The following EFHC1 variants were observed in gnomAD, a reference collection of about 807,000 sequenced individuals.
The protein encoded by EFHC1 is EF-hand domain containing 1, also known as EF-hand domain-containing protein 1.
A neutral mutation model predicts 69.9 loss-of-function variants in EFHC1; 53 were observed. The observed-to-expected ratio is 0.76, with a 90% CI of 0.61 to 0.95. The LOEUF is 0.95. EFHC1 is among the 40% of genes least tolerant of loss of function. EFHC1 has a pLI of 0.00. For synonymous variants in EFHC1, 256 were observed against 278.4 expected (o/e 0.92, Z 0.80); for missense variants, 739 against 798.7 (o/e 0.93, Z 0.90).
intron 9 of EFHC1, chr6:52,488,868 G>A (rs1258115882): frequency 6.6e-6 from 1 of 152,104 alleles, no homozygotes; most frequent in East Asian, 1.9e-4. Context: ...GTCAATGGCT[G>A]CAGTATTATT....
At chr6:52,465,825 A>G (rs958672991) in intron 6 of EFHC1, among the ~76,000 whole-genome samples, 4 of 148,264 alleles carry the variant, frequency 2.7e-5, no homozygotes, top group Non-Finnish European at 4.5e-5. Flanking sequence ...AAATATGTAT[A>G]TATTATATAT....
intron 8 of EFHC1, 114 bp downstream of exon 8, chr6:52,479,364 A>T (rs1164467213): frequency 1.8e-5 from 21 of 1,186,434 alleles, no homozygotes; most frequent in Non-Finnish European, 2.1e-5. Flanking sequence ...AACTGAGATA[A>T]AGCTACTATC....
intron 10 of EFHC1, among the ~76,000 whole-genome samples, chr6:52,491,989 C>T (rs918918675): frequency 6.6e-6 from 1 of 152,202 alleles, no homozygotes; most frequent in African/African-American, 2.4e-5. Flanking sequence ...ACTCATAGAG[C>T]CTCCAGTGGT....
At chr6:52,457,048 G>A (rs1037668647) in intron 5 of EFHC1, among the ~76,000 whole-genome samples, 30 of 152,108 alleles carry the variant, frequency 2.0e-4, no homozygotes, top group Admixed American at 9.8e-4. Flanking sequence ...TTATCCAATG[G>A]GTGATTTTTA....
chr6:52,433,921 C>T (rs1162096177), intron 2 of EFHC1, among the ~76,000 whole-genome samples: 2 of 152,070 alleles, frequency 1.3e-5, no homozygotes, highest in African/African-American at 4.8e-5. Context: ...ATTATGGCTG[C>T]CTCTACTGTA....
chr6:52,441,825 T>C (rs1290178834), intron 3 of EFHC1, among the ~76,000 whole-genome samples: 1 of 152,164 alleles, frequency 6.6e-6, no homozygotes, highest in East Asian at 1.9e-4. Context: ...TCTCCCTGGT[T>C]AGCTGTATTC....
rs764160781 is a variant in EFHC1, at chr6:52,493,383, T to TATATATATATATA, written c.*1044_*1045insATATATATATAAT. On this transcript the variant is annotated 3_prime_UTR_variant, in exon 11 of 11. Coordinates refer to ENST00000371068, the MANE Select transcript of EFHC1 (RefSeq NM_018100.4). ...CTCTCTACATATATATATATATATA[T>TATATATATATATA]ATTTTATATGTACACATTCATACAC... The TATATATATATATA allele has an allele frequency of 4.5e-6, 1 of 223,954 alleles. No individual in the cohort carries two copies. Among genetic ancestry groups the TATATATATATATA allele is most frequent in the African/African-American group, 2.5e-5 (1 of 39,744 alleles). The allele number at this position is 223,954 out of a possible 1,614,324, so 13.9% of individuals were successfully genotyped here. A position where few individuals can be genotyped will look rare whatever the true frequency, so the allele number is the denominator to read the frequency against.
intron 6 of EFHC1, chr6:52,468,372 G>A (rs1198884795): frequency 1.3e-5 from 2 of 152,180 alleles, no homozygotes; most frequent in African/African-American, 4.8e-5. Context: ...AGTATGAGAA[G>A]CAAGGTGCAA....
intron 1 of EFHC1, 141 bp downstream of exon 1, chr6:52,420,614 A>G: frequency 9.4e-7 from 1 of 1,069,220 alleles, no homozygotes; most frequent in Non-Finnish European, 1.4e-6. Flanking sequence ...CCTGTTCTTT[A>G]TTCTGGGCCG....
intron 3 of EFHC1, among the ~76,000 whole-genome samples, chr6:52,444,567 T>G (rs1444574341): frequency 6.6e-6 from 1 of 152,214 alleles, no homozygotes; most frequent in African/African-American, 2.4e-5. Context: ...TTGTCTTTGG[T>G]TCCGTTTATA....
chr6:52,463,468 C>T (rs1252027325), intron 5 of EFHC1, among the ~76,000 whole-genome samples: 1 of 152,066 alleles, frequency 6.6e-6, no homozygotes, highest in Non-Finnish European at 1.5e-5. Context: ...TGATTTTTGA[C>T]AAACATTTAA....
At chr6:52,467,426 C>T (rs1765332976) in intron 6 of EFHC1, among the ~76,000 whole-genome samples, 1 of 152,104 alleles carries the variant, frequency 6.6e-6, no homozygotes, top group South Asian at 2.1e-4. Context: ...GGTGATCCAC[C>T]CACCTTGGCC....
intron 1 of EFHC1, chr6:52,420,952 C>T: frequency 1.0e-6 from 1 of 992,048 alleles, no homozygotes. Context: ...CCCACAGGTC[C>T]GTCATTCCCG....
chr6:52,478,419 C>T (rs946255005), intron 7 of EFHC1, among the ~76,000 whole-genome samples: 2 of 151,794 alleles, frequency 1.3e-5, no homozygotes, highest in African/African-American at 4.9e-5. Context: ...AAAACTTAAA[C>T]TATAATAAAA....
Position 52,495,964 on chromosome 6 carries a change from T to G in EFHC1, c.*3623T>G. The G allele has an allele frequency of 4.3e-6, 1 of 231,002 alleles. No homozygotes were observed. The highest frequency in any genetic ancestry group is 8.6e-6 in the Non-Finnish European group (1 of 116,132). 14.3% of individuals were successfully genotyped at this position (231,002 alleles called of 1,614,324 possible). A position where few individuals can be genotyped will look rare whatever the true frequency, so the allele number is the denominator to read the frequency against. On this transcript the variant is annotated 3_prime_UTR_variant, in exon 11 of 11. Coordinates refer to ENST00000371068, the MANE Select transcript of EFHC1 (RefSeq NM_018100.4). ...ACCTGTTTATACAAAGCAGCAAGTA[T>G]AGGAGCCACAAACGTCAGAGCAAAT...
chr6:52,492,851 C>T lies in EFHC1; in HGVS notation c.*510C>T, dbSNP rs1224898086. ...GAACTTGTCTCAAACTCATGAGCTC[C>T]AGAAATTCTCCCACCTCAGCCTCCA... is the stretch of plus-strand genomic sequence containing the variant. On this transcript the variant is annotated 3_prime_UTR_variant, in exon 11 of 11. Coordinates refer to ENST00000371068, the MANE Select transcript of EFHC1 (RefSeq NM_018100.4). 3 of 449,094 alleles carry T rather than the reference C, an allele frequency of 6.7e-6. No homozygotes were observed. In the Admixed American group the frequency reaches 7.2e-5, roughly 11 times the overall value. The allele number at this position is 449,094 out of a possible 1,614,324, so 27.8% of individuals were successfully genotyped here.
At chr6:52,472,064 GA>G (rs1765446969) in intron 7 of EFHC1, among the ~76,000 whole-genome samples, 2 of 151,396 alleles carry the variant, frequency 1.3e-5, no homozygotes, top group South Asian at 4.2e-4. Flanking sequence ...ATTAAATTTT[GA>G]AAAGCATTTG....
At chr6:52,469,297 T>C (rs1256318288) in intron 6 of EFHC1, 36 bp from the exon 7 acceptor site, 1 of 1,613,378 alleles carries the variant, frequency 6.2e-7, no homozygotes, top group African/African-American at 1.3e-5. Context: ...ACACAAGTAG[T>C]ATCTGCCTTA....
At chr6:52,476,262 G>A (rs190309733) in intron 7 of EFHC1, among the ~76,000 whole-genome samples, 32 of 152,294 alleles carry the variant, frequency 2.1e-4, no homozygotes, top group Admixed American at 1.7e-3. Flanking sequence ...TCATGTGCCT[G>A]TAATTCTAAA....
Sources: allele counts gnomAD v4.1 joint callset (sites outside exome capture counted in the v4.1 genomes callset), GRCh38; gene constraint gnomAD v4.1.1; transcripts MANE v1.5; gene names NCBI Gene and HGNC (gene_info 2026-07-23, HGNC 2026-07-21).